Variants in GRIN2D observed in about 807,000 individuals in gnomAD.
GRIN2D encodes the protein glutamate receptor ionotropic, NMDA 2D.
In GRIN2D, 37 loss-of-function variants were observed where a neutral mutation model predicts 103.2. That is an observed-to-expected ratio of 0.36 (90% CI 0.28 to 0.47). The LOEUF (loss-of-function observed/expected upper bound fraction) is 0.47, where lower values mean the gene tolerates loss of function less well. Ranked by LOEUF, GRIN2D falls within the 20% of genes least tolerant of loss-of-function variation. GRIN2D has a pLI of 1.00. For synonymous variants in GRIN2D, 845 were observed against 885.6 expected, an observed-to-expected ratio of 0.95 and a Z score of 0.81; for missense variants, 1,557 against 1,910.6, an observed-to-expected ratio of 0.81 and a Z score of 3.45.
chr19:48,412,421 A>AG (rs1970875762), intron 4 of GRIN2D, among the ~76,000 whole-genome samples: 1 of 123,328 alleles, frequency 8.1e-6, no homozygotes, highest in South Asian at 3.0e-4. Context: ...AAAGAGAAAG[A>AG]AAAGAAAGAA....
chr19:48,416,677 T>C (rs1186388783), intron 8 of GRIN2D, among the ~76,000 whole-genome samples: 2 of 151,864 alleles, frequency 1.3e-5, no homozygotes, highest in Admixed American at 1.3e-4. Context: ...CACAAATCCC[T>C]GTCCAGTAGG....
At chr19:48,430,821 CTTT>C (rs557084994) in intron 11 of GRIN2D, among the ~76,000 whole-genome samples, 17 of 128,876 alleles carry the variant, frequency 1.3e-4, no homozygotes, top group African/African-American at 1.9e-4. Flanking sequence ...TTTCTTTTTT[CTTT>C]TTTTTTTTTT....
intron 11 of GRIN2D, among the ~76,000 whole-genome samples, chr19:48,438,542 C>T (rs1971258259): frequency 2.0e-5 from 3 of 152,044 alleles, no homozygotes; most frequent in African/African-American, 7.2e-5. Flanking sequence ...TCGTGATCCG[C>T]CTGCCTCGGC....
chr19:48,408,718 G>A (rs1485866516), intron 4 of GRIN2D, among the ~76,000 whole-genome samples: 2 of 151,588 alleles, frequency 1.3e-5, no homozygotes, highest in African/African-American at 4.9e-5. Context: ...TGCTTGGGAG[G>A]CTGAGGCAGG....
intron 3 of GRIN2D, among the ~76,000 whole-genome samples, chr19:48,401,389 A>C (rs1970709402): frequency 6.6e-6 from 1 of 152,162 alleles, no homozygotes; most frequent in Non-Finnish European, 1.5e-5. Context: ...TGTTGTAATG[A>C]CTGAGGATGG....
At chr19:48,426,466 T>C (rs1050987636) in intron 11 of GRIN2D, among the ~76,000 whole-genome samples, 5 of 152,028 alleles carry the variant, frequency 3.3e-5, no homozygotes, top group African/African-American at 1.2e-4. Flanking sequence ...CCTCAGGTGA[T>C]CCAACCGCCT....
chr19:48,410,819 G>A (rs559535091), intron 4 of GRIN2D, among the ~76,000 whole-genome samples: 28 of 152,256 alleles, frequency 1.8e-4, no homozygotes, highest in Admixed American at 1.8e-3. Flanking sequence ...GAGAGCCCCA[G>A]GCCAGGAAGA....
chr19:48,403,198 C>CAA (rs145115482), intron 3 of GRIN2D, among the ~76,000 whole-genome samples: 111 of 90,998 alleles, frequency 1.2e-3, no homozygotes, highest in Non-Finnish European at 1.7e-3. Context: ...GACTCTGTCT[C>CAA]AAAAAAAAAA....
At position 48,404,934 on chromosome 19, in the gene GRIN2D, G is replaced by C; in HGVS notation, c.666G>C (p.Thr222=). The C allele has an allele frequency of 6.2e-7, 1 of 1,613,452 alleles. No homozygotes were observed. The highest frequency in any genetic ancestry group is 8.5e-7 in the Non-Finnish European group (1 of 1,179,868). ...LVGWEHRGAL[T]LDPGAGEAVL... is the part of the protein sequence containing the mutation. ...GCTGGGAGCACCGCGGAGCGCTGAC[G>C]CTGGACCCTGGGGCGGGCGAGGCCG... The change falls in exon 4 of 14, where the codon ACG becomes ACC. Residue 222 remains threonine (T), a synonymous_variant. Coordinates refer to ENST00000263269, the MANE Select transcript of GRIN2D (RefSeq NM_000836.4).
intron 11 of GRIN2D, among the ~76,000 whole-genome samples, chr19:48,434,927 G>A (rs1268744293): frequency 1.3e-5 from 2 of 151,988 alleles, no homozygotes; most frequent in Admixed American, 1.3e-4. Flanking sequence ...TAGTATATAG[G>A]AATATAATTT....
rs573251011 is a variant in GRIN2D at position 48,443,373 on chromosome 19, C to T, written c.3447C>T (p.Pro1149=). Reference sequence around the variant, plus strand: ...ATGCCGAGCGCCTCGGGCCGCCGCCCGGCCGCTACTGGTCGGTCGACAAGC... The same window carrying T: ...ATGCCGAGCGCCTCGGGCCGCCGCCTGGCCGCTACTGGTCGGTCGACAAGC... ...YPYAERLGPP[P]GRYWSVDKLG... Residue 1149 remains proline, a synonymous_variant, in exon 14 of 14, where the codon CCC becomes CCT. Coordinates refer to ENST00000263269, the MANE Select transcript of GRIN2D (RefSeq NM_000836.4). This position sits in a 1 kb window ranked among gnomAD's most constrained non-coding sequence, Gnocchi z 8.9. 1.7e-5 allele frequency: 25 copies of T among 1,492,616 alleles called. No homozygotes were observed. In the East Asian group the frequency reaches 6.1e-4, roughly 37 times the overall value. The allele number at this position is 1,492,616 out of a possible 1,614,324, so 92.5% of individuals were successfully genotyped here.
chr19:48,440,054 A>T (rs140872774), intron 11 of GRIN2D, among the ~76,000 whole-genome samples: 1 of 152,012 alleles, frequency 6.6e-6, no homozygotes, highest in Admixed American at 6.6e-5. Flanking sequence ...TCTACTAAAA[A>T]TACAAAATTA....
chr19:48,442,926 G>A lies in GRIN2D; in HGVS notation c.3000G>A (p.Pro1000=). ...RPLSPPAAQP[P]QKPPPSYFAI... ...TGTCCCCGCCGGCCGCTCAGCCCCC[G>A]CAGAAGCCGCCGCCCTCCTATTTCG... is the stretch of plus-strand genomic sequence containing the variant. The change falls in exon 14 of 14, where the codon CCG becomes CCA. Residue 1000 remains proline, a synonymous_variant. Coordinates refer to ENST00000263269, the MANE Select transcript of GRIN2D (RefSeq NM_000836.4). This position sits in a 1 kb window ranked among gnomAD's most constrained non-coding sequence, Gnocchi z 7.2. 3 of 1,127,626 alleles carry A rather than the reference G, an allele frequency of 2.7e-6. No homozygotes were observed. Among genetic ancestry groups the A allele is most frequent in the African/African-American group, 1.7e-5 (1 of 59,410 alleles). The allele number at this position is 1,127,626 out of a possible 1,614,324, so 69.9% of individuals were successfully genotyped here.
chr19:48,393,691 G>C lies in GRIN2D; in HGVS notation c.-483G>C, dbSNP rs957308158. On this transcript the variant is annotated 5_prime_UTR_variant, in exon 1 of 14. Coordinates refer to ENST00000263269, the MANE Select transcript of GRIN2D (RefSeq NM_000836.4). This position sits in a 1 kb window ranked among gnomAD's most constrained non-coding sequence, Gnocchi z 5.6. ...GCATCCCGAGTGAGTGTGTGTGTGC[G>C]AGAACACAGCGAGTGTGTGAGTCCC... Among the ~76,000 whole-genome samples the C allele has an allele frequency of 6.6e-6, 1 of 151,962 alleles. No homozygotes were observed. Among genetic ancestry groups the C allele is most frequent in the Non-Finnish European group, 1.5e-5 (1 of 67,970 alleles).
At chr19:48,428,687 C>T (rs1436664226) in intron 11 of GRIN2D, among the ~76,000 whole-genome samples, 1 of 152,052 alleles carries the variant, frequency 6.6e-6, no homozygotes, top group Non-Finnish European at 1.5e-5. Flanking sequence ...TATAAGGACA[C>T]TAGTCATACT....
intron 11 of GRIN2D, among the ~76,000 whole-genome samples, chr19:48,438,287 CTTTTTTTTTTTTTTTT>C (rs71181697): frequency 3.5e-5 from 2 of 57,726 alleles, no homozygotes; most frequent in African/African-American, 1.5e-4. Context: ...ATCCAGCCGC[CTTTTTTTTTTTTTTTT>C]TTTTTTTTTT....
At chr19:48,400,173 T>A (rs1970693987) in intron 3 of GRIN2D, among the ~76,000 whole-genome samples, 1 of 151,918 alleles carries the variant, frequency 6.6e-6, no homozygotes, top group African/African-American at 2.4e-5. Flanking sequence ...GTAGCGGACC[T>A]CTGGTAGAGA....
chr19:48,400,268 A>G (rs1461218695), intron 3 of GRIN2D, among the ~76,000 whole-genome samples: 1 of 152,122 alleles, frequency 6.6e-6, no homozygotes, highest in Non-Finnish European at 1.5e-5. Flanking sequence ...GGGCCTCTCC[A>G]GAGGTGGGGC....
Position 48,419,655 on chromosome 19 carries a change from G to T in GRIN2D, c.1932G>T (p.Ser644=). 6.2e-7 allele frequency: 1 copy of T among 1,613,532 alleles called. No homozygotes were observed. Among genetic ancestry groups the T allele is most frequent in the Admixed American group, 1.7e-5 (1 of 59,940 alleles). Residue 644 remains serine, a synonymous_variant, in exon 10 of 14, where the codon TCG becomes TCT. Transcript: ENST00000263269. ...WLLWALVFNN[S]VPVENPRGTT... ...TCTGGGCCCTGGTGTTCAATAATTCGGTGCCCGTGGAGAACCCCCGGGGAA... is the reference window on the plus strand; with the variant it reads ...TCTGGGCCCTGGTGTTCAATAATTCTGTGCCCGTGGAGAACCCCCGGGGAA...
Sources: allele counts gnomAD v4.1 joint callset (sites outside exome capture counted in the v4.1 genomes callset), GRCh38; gene constraint gnomAD v4.1.1; non-coding constraint Gnocchi (gnomAD v3.1); transcripts MANE v1.5; gene names NCBI Gene and HGNC (gene_info 2026-07-23, HGNC 2026-07-21).